Variants in ATAD5 observed in about 807,000 individuals in gnomAD.
ATAD5 encodes ATPase family AAA domain containing 5, also known as ATPase family AAA domain-containing protein 5.
ATAD5 carries 58 observed loss-of-function variants against 176.9 expected under a neutral mutation model. The ratio of observed to expected loss-of-function variants is 0.33; its 90% CI spans 0.27 to 0.41. The LOEUF is 0.41. ATAD5 is among the 10% of genes least tolerant of loss of function. The pLI, the probability that ATAD5 is intolerant of heterozygous loss-of-function variation, is 1.00. For synonymous variants in ATAD5, 640 were observed against 712.6 expected (o/e 0.90, Z 1.62); for missense variants, 1,789 against 2,094.1 (o/e 0.85, Z 2.84).
intron 14 of ATAD5, among the ~76,000 whole-genome samples, chr17:30,873,835 G>T (rs1908488114): frequency 6.6e-6 from 1 of 151,958 alleles, no homozygotes. Flanking sequence ...GGGATTGCAG[G>T]TATGTGCCAC....
At chr17:30,849,658 G>C (rs553805153) in intron 6 of ATAD5, among the ~76,000 whole-genome samples, 1 of 152,056 alleles carries the variant, frequency 6.6e-6, no homozygotes, top group East Asian at 1.9e-4. Flanking sequence ...GAGTTGTGAG[G>C]ATTCTTTATA....
chr17:30,870,427 G>A (rs990439997), intron 14 of ATAD5, among the ~76,000 whole-genome samples: 2 of 152,108 alleles, frequency 1.3e-5, no homozygotes, highest in Non-Finnish European at 1.5e-5. Context: ...TAAACTGGCA[G>A]TTAGATCTAT....
chr17:30,884,689 A>C (rs1909217628), intron 18 of ATAD5, among the ~76,000 whole-genome samples: 1 of 150,610 alleles, frequency 6.6e-6, no homozygotes, highest in African/African-American at 2.4e-5. Flanking sequence ...TCGGCCTCCC[A>C]AAATGCTGGG....
intron 10 of ATAD5, among the ~76,000 whole-genome samples, chr17:30,861,670 C>T (rs1907643764): frequency 6.6e-6 from 1 of 152,030 alleles, no homozygotes; most frequent in South Asian, 2.1e-4. Context: ...CGCCACCACG[C>T]CCAGCTAAAT....
chr17:30,847,805 C>T (rs1348487717), intron 6 of ATAD5, among the ~76,000 whole-genome samples: 6 of 150,268 alleles, frequency 4.0e-5, no homozygotes, highest in Admixed American at 6.6e-5. Flanking sequence ...CTGTAACCTC[C>T]GCCCCCCGGG....
chr17:30,891,191 G>A (rs553911790), intron 19 of ATAD5, among the ~76,000 whole-genome samples: 1 of 152,080 alleles, frequency 6.6e-6, no homozygotes, highest in South Asian at 2.1e-4. Flanking sequence ...GATGATAATT[G>A]TACCAACTTA....
chr17:30,893,530 A>G lies in ATAD5; in HGVS notation c.4677A>G (p.Lys1559=). The stretch of plus-strand genomic sequence containing the variant: ...ACTCTGAAAGAGAACAGCCATTGAA[A>G]AAGTCCCAGAAAAAGAAACAAAAGA... The part of the protein sequence containing the change: ...RKHSEREQPL[K]KSQKKKQKKT... The change falls in exon 21 of 23, where the codon AAA becomes AAG. Residue 1559 remains lysine, a synonymous_variant. Transcript: ENST00000321990. 6.2e-7 allele frequency: 1 copy of G among 1,611,354 alleles called. No homozygotes were observed. The highest frequency in any genetic ancestry group is 8.5e-7 in the Non-Finnish European group (1 of 1,179,300).
intron 6 of ATAD5, among the ~76,000 whole-genome samples, chr17:30,851,367 G>T (rs1050359622): frequency 6.6e-5 from 10 of 150,942 alleles, no homozygotes; most frequent in African/African-American, 1.9e-4. Flanking sequence ...GTGGTGGCGG[G>T]CGCCTGTAGT....
Position 30,840,852 on chromosome 17 carries a change from A to G in ATAD5, c.2241+71A>G, listed in dbSNP as rs941767160. The G allele has an allele frequency of 1.5e-5, 22 of 1,429,414 alleles. No homozygotes were observed. In the Admixed American group the frequency reaches 4.9e-4, roughly 32 times the overall value. 88.5% of individuals were successfully genotyped at this position (1,429,414 alleles called of 1,614,324 possible). On this transcript the variant is annotated intron_variant, in intron 4 of 22. Coordinates refer to ENST00000321990, the MANE Select transcript of ATAD5 (RefSeq NM_024857.5). ...CTGTTTGGAGTGGGAGAAGGAAACC[A>G]TTATAAAGTTATAAGGTAGGTTTGT...
intron 6 of ATAD5, among the ~76,000 whole-genome samples, chr17:30,850,844 TATATATATATATATATATATATATA>T (rs1906860755): frequency 2.2e-4 from 5 of 22,862 alleles, no homozygotes; most frequent in Non-Finnish European, 1.9e-4. Flanking sequence ...TATATATATA[TATATATATATATATATATATATATA>T]TTTTTTTTTT....
At chr17:30,859,718 T>TGGTGTTTTCATGGCTCCCTGCAGCC in intron 9 of ATAD5, among the ~76,000 whole-genome samples, 1 of 143,550 alleles carries the variant, frequency 7.0e-6, no homozygotes, top group Non-Finnish European at 1.5e-5. Context: ...TAGAATACAG[T>TGGTGTTTTCATGGCTCCCTGCAGCC]TTGTTTGTTT....
Position 30,835,296 on chromosome 17 carries a change from A to G in ATAD5, c.1215A>G (p.Lys405=). ...TAGAAGAAAGACAGCAATTTATGAAAGCATTTAGGCAGCCAGCATCAGATG... is the reference window on the plus strand; with the variant it reads ...TAGAAGAAAGACAGCAATTTATGAAGGCATTTAGGCAGCCAGCATCAGATG... ...CTLEERQQFM[K]AFRQPASDAL... Residue 405 remains lysine (K), a synonymous_variant, in exon 2 of 23, where the codon AAA becomes AAG. Transcript: ENST00000321990. 2 of 1,614,128 alleles carry G rather than the reference A, an allele frequency of 1.2e-6. No homozygotes were observed. Among genetic ancestry groups the G allele is most frequent in the Middle Eastern group, 1.7e-4 (1 of 6,060 alleles).
Position 30,871,427 on chromosome 17 carries a change from A to G in ATAD5, c.3607+1781A>G, listed in dbSNP as rs1198360652. ...CAGTGGCACAATCTTGGCTCGCTGC[A>G]ACCTCCACCTCCCAGGTTCAAGCAA... On this transcript the variant is annotated intron_variant, in intron 14 of 22. Coordinates refer to ENST00000321990, the MANE Select transcript of ATAD5 (RefSeq NM_024857.5). 2.0e-5 allele frequency among the ~76,000 whole-genome samples: 3 copies of G among 151,492 alleles called. No individual in the cohort carries two copies. The East Asian group carries it at 5.8e-4, about 29-fold the overall frequency.
chr17:30,838,012 G>C (rs1337328406), intron 3 of ATAD5, among the ~76,000 whole-genome samples: 6 of 152,158 alleles, frequency 3.9e-5, no homozygotes, highest in African/African-American at 1.4e-4. Flanking sequence ...GTGGAGGGCT[G>C]TCCTGTGCAT....
chr17:30,847,699 A>T (rs1906599848), intron 6 of ATAD5, among the ~76,000 whole-genome samples: 1 of 150,168 alleles, frequency 6.7e-6, no homozygotes, highest in Non-Finnish European at 1.5e-5. Flanking sequence ...GGCTATTATT[A>T]AATAGACTGC....
rs1567675700 is a variant in ATAD5 at position 30,834,230 on chromosome 17, G to C, written c.149G>C (p.Arg50Thr). The part of the protein sequence containing the change: ...TKYLSPLGKT[R>T]DRVFAPPKPS... ...TATTTATCACCACTAGGGAAGACTA[G>C]AGACAGGGTTTTTGCTCCACCAAAA... Residue 50 changes from arginine to threonine, a missense_variant, in exon 2 of 23, where the codon AGA becomes ACA. Transcript: ENST00000321990. 1 of 1,612,928 alleles carries C rather than the reference G, an allele frequency of 6.2e-7. No individual in the cohort carries two copies.
At chr17:30,833,929 G>T (rs1189467849) in intron 1 of ATAD5, among the ~76,000 whole-genome samples, 2 of 152,072 alleles carry the variant, frequency 1.3e-5, no homozygotes. Flanking sequence ...TGATCCACCC[G>T]CCTTGGCCTC....
intron 17 of ATAD5, 77 bp downstream of exon 17, chr17:30,878,173 T>C: frequency 1.0e-6 from 1 of 962,418 alleles, no homozygotes. Flanking sequence ...GTAATTATAA[T>C]TAACTCACAA....
chr17:30,875,572 G>A (rs1323966343), intron 14 of ATAD5, among the ~76,000 whole-genome samples: 4 of 151,928 alleles, frequency 2.6e-5, no homozygotes, highest in East Asian at 1.9e-4. Flanking sequence ...TGAGGCAGGC[G>A]GATCGCTTGA....
Sources: gnomAD v4.1 joint callset for allele counts (sites outside exome capture counted in the v4.1 genomes callset) on GRCh38, gnomAD v4.1.1 for gene constraint, MANE v1.5 for transcripts, NCBI Gene and HGNC (gene_info 2026-07-23, HGNC 2026-07-21) for gene names.